PRC1: variants seen among roughly 807,000 people sequenced by gnomAD.
PRC1 encodes protein regulator of cytokinesis 1, also known as anaphase spindle elongation 1 homolog.
PRC1 carries 54 observed loss-of-function variants against 91.2 expected under a neutral mutation model. The observed-to-expected ratio is 0.59, with a 90% CI of 0.48 to 0.74. The LOEUF (loss-of-function observed/expected upper bound fraction) is 0.74. Ranked by LOEUF, PRC1 falls within the 30% of genes least tolerant of loss-of-function variation. The pLI is 0.00. For synonymous variants in PRC1, 275 were observed against 263.6 expected (o/e 1.04, Z -0.42); for missense variants, 727 against 746.2 (o/e 0.97, Z 0.30).
chr15:90,968,774 T>G (rs1158565246), intron 14 of PRC1: 1 of 1,198,282 alleles, frequency 8.3e-7, no homozygotes, highest in African/African-American at 1.6e-5. Context: ...GGGCCTCTAT[T>G]CTTTCCAGCT....
intron 1 of PRC1, among the ~76,000 whole-genome samples, chr15:90,992,299 A>G (rs2151635362): frequency 6.6e-6 from 1 of 152,340 alleles, no homozygotes; most frequent in Middle Eastern, 3.4e-3. Context: ...TGCTATTAGA[A>G]TATAAACTCT....
At position 90,994,394 on chromosome 15, in the gene PRC1, C is replaced by G; in HGVS notation, c.11+13G>C. The G allele has an allele frequency of 1.9e-6, 3 of 1,612,034 alleles. No individual in the cohort carries two copies. Among genetic ancestry groups the G allele is most frequent in the Non-Finnish European group, 2.5e-6 (3 of 1,179,208 alleles). ...TCCCTCCCGCGTCCCCTCGATTTCCCCGCAACCCGCACCTTCTCCTCATGG... is the reference window on the plus strand; with the variant it reads ...TCCCTCCCGCGTCCCCTCGATTTCCGCGCAACCCGCACCTTCTCCTCATGG... On this transcript the variant is annotated intron_variant, in intron 1 of 14. Coordinates refer to ENST00000394249, the MANE Select transcript of PRC1 (RefSeq NM_003981.4).
At chr15:90,968,606 C>T in intron 14 of PRC1, 4 of 993,972 alleles carry the variant, frequency 4.0e-6, no homozygotes, top group Non-Finnish European at 4.8e-6. Flanking sequence ...TGGAAAGAGG[C>T]AAAGGTGAGG....
At chr15:90,992,995 G>A (rs73502775) in intron 1 of PRC1, among the ~76,000 whole-genome samples, 45,175 of 139,056 alleles carry the variant, frequency 0.32, 8,943 homozygotes, top group African/African-American at 0.56. Flanking sequence ...TTTCGTTTGA[G>A]CCTCAGAGGT....
At chr15:90,975,389 C>T (rs2038589289) in intron 9 of PRC1, among the ~76,000 whole-genome samples, 1 of 152,140 alleles carries the variant, frequency 6.6e-6, no homozygotes, top group African/African-American at 2.4e-5. Context: ...GCCAGATTTA[C>T]CTAATTTCTT....
rs554791475 is a variant in PRC1, at chr15:90,974,514, C to T, written c.1350+71G>A. ...TCCCTGTTCCACAAACCCTGGTCCC[C>T]GGCAGAGACTATGGGCTGCTCAGAT... On this transcript the variant is annotated intron_variant, in intron 10 of 14. Transcript: ENST00000394249. The surrounding 1 kb of genome is among the most constrained non-coding windows in gnomAD (Gnocchi z 4.6). 2.1e-5 allele frequency: 33 copies of T among 1,592,304 alleles called. No homozygotes were observed. Among genetic ancestry groups the T allele is most frequent in the East Asian group, 1.6e-4 (7 of 44,648 alleles).
chr15:90,975,321 C>G (rs900230843), intron 9 of PRC1, among the ~76,000 whole-genome samples: 1 of 152,066 alleles, frequency 6.6e-6, no homozygotes, highest in Non-Finnish European at 1.5e-5. Context: ...CCAGGCTGGT[C>G]TCGAACTGCC....
In PRC1 at chr15:90,984,280, G is replaced by A. The variant is rs1275534470; in HGVS notation, c.145-140C>T. On this transcript the variant is annotated intron_variant, in intron 2 of 14. Coordinates refer to ENST00000394249, the MANE Select transcript of PRC1 (RefSeq NM_003981.4). This position sits in a 1 kb window ranked among gnomAD's most constrained non-coding sequence, Gnocchi z 5.1. ...GTCTCGCTCTGTTGCCCAGGCTGGA[G>A]TGCAATGGCGTGCTTTCGGCTCACT... is the stretch of plus-strand genomic sequence containing the variant. The A allele has an allele frequency of 8.7e-7, 1 of 1,150,084 alleles. No individual in the cohort carries two copies. The highest frequency in any genetic ancestry group is 1.5e-5 in the African/African-American group (1 of 64,616). The allele number at this position is 1,150,084 out of a possible 1,614,324, so 71.2% of individuals were successfully genotyped here. A position where few individuals can be genotyped will look rare whatever the true frequency, so the allele number is the denominator to read the frequency against.
chr15:90,981,795 C>A lies in PRC1; in HGVS notation c.454G>T (p.Glu152Ter). The A allele has an allele frequency of 6.2e-7, 1 of 1,614,150 alleles. No homozygotes were observed. Among genetic ancestry groups the A allele is most frequent in the Non-Finnish European group, 8.5e-7 (1 of 1,180,004 alleles). Reference protein sequence around the residue: ...IDSASVPSLEELNQFRQHVTT... With the variant: ...IDSASVPSLE The stretch of plus-strand genomic sequence containing the variant: ...ACATGTTGCCTGAACTGGTTCAGCT[C>A]TTCTAAGCTGGGCACTGAGGCACTG... The change falls in exon 4 of 15, where the codon GAG (glutamate) becomes TAG (stop). Residue 152 changes from glutamate to a stop codon, truncating the protein, a stop_gained. Coordinates refer to ENST00000394249, the MANE Select transcript of PRC1 (RefSeq NM_003981.4). LOFTEE classifies it high-confidence loss of function.
chr15:90,970,558 T>C, intron 11 of PRC1, 44 bp from the exon 12 acceptor site: 1 of 1,372,380 alleles, frequency 7.3e-7, no homozygotes, highest in East Asian at 2.3e-5. Context: ...AGTAACATCC[T>C]CAGCATTTCT....
chr15:90,986,041 C>G (rs1029498178), intron 1 of PRC1: 2 of 152,200 alleles, frequency 1.3e-5, no homozygotes, highest in Non-Finnish European at 2.9e-5. Flanking sequence ...GTTAAAAAGA[C>G]AGCATTAAGT....
chr15:90,968,841 T>A, intron 14 of PRC1: 1 of 1,337,914 alleles, frequency 7.5e-7, no homozygotes, highest in South Asian at 1.6e-5. Flanking sequence ...TTAAACGTGA[T>A]TTAAAACTGT....
intron 11 of PRC1, among the ~76,000 whole-genome samples, chr15:90,971,545 G>C (rs1451548622): frequency 6.6e-6 from 1 of 150,590 alleles, no homozygotes; most frequent in African/African-American, 2.4e-5. Flanking sequence ...GCTTCCCGAA[G>C]TAGTGGGATT....
At chr15:90,968,996 G>A (rs989532056) in intron 14 of PRC1, 83 bp downstream of exon 14, 13 of 1,607,234 alleles carry the variant, frequency 8.1e-6, no homozygotes, top group Non-Finnish European at 1.1e-5. Context: ...TTATTAGTTA[G>A]TGTAGCCCTG....
At chr15:90,980,662 G>A in intron 6 of PRC1, 2 of 695,294 alleles carry the variant, frequency 2.9e-6, no homozygotes, top group East Asian at 5.6e-5. Context: ...TGGGATTACA[G>A]GCGCACGCCA....
In PRC1 at chr15:90,969,546, C is replaced by T; in HGVS notation, c.1650G>A (p.Glu550=). Residue 550 remains glutamate, a synonymous_variant, in exon 13 of 15, where the codon GAG becomes GAA. Transcript: ENST00000394249. ...GRHGANKENL[E]LNGSILSGGY... is the part of the protein sequence containing the mutation. ...CACCACTCAGGATGCTGCCGTTGAG[C>T]TCCAGGTTCTCCTTGTTGGCTCCAT... 1.2e-6 allele frequency: 2 copies of T among 1,613,866 alleles called. No individual in the cohort carries two copies. The highest frequency in any genetic ancestry group is 1.3e-5 in the African/African-American group (1 of 75,018).
intron 6 of PRC1, 129 bp from the exon 7 acceptor site, chr15:90,980,518 T>G: frequency 2.2e-6 from 2 of 903,442 alleles, no homozygotes; most frequent in East Asian, 3.9e-5. Context: ...AACACTTTTT[T>G]TTTTTTTTTT....
intron 8 of PRC1, 115 bp downstream of exon 8, chr15:90,979,043 G>T: frequency 7.8e-7 from 1 of 1,284,586 alleles, no homozygotes. Context: ...AATTCAGAGA[G>T]ACTTAATGAT....
At chr15:90,969,878 T>C (rs1422325898) in intron 12 of PRC1, among the ~76,000 whole-genome samples, 1 of 151,024 alleles carries the variant, frequency 6.6e-6, no homozygotes, top group Non-Finnish European at 1.5e-5. Context: ...AGGCGACATG[T>C]TCGAGACCAG....
Sources: gnomAD v4.1 joint callset for allele counts (sites outside exome capture counted in the v4.1 genomes callset) on GRCh38, gnomAD v4.1.1 for gene constraint, Gnocchi (gnomAD v3.1) non-coding constraint, MANE v1.5 for transcripts, NCBI Gene and HGNC (gene_info 2026-07-23, HGNC 2026-07-21) for gene names.